OSBPL6: variants seen among roughly 807,000 people sequenced by gnomAD.
OSBPL6 encodes the protein oxysterol-binding protein-related protein 6.
Under a neutral mutation model 125.8 loss-of-function variants are expected in OSBPL6, and 49 were observed. The ratio of observed to expected loss-of-function variants is 0.39; its 90% CI spans 0.31 to 0.49. The LOEUF (loss-of-function observed/expected upper bound fraction) is 0.49. Ranked by LOEUF, OSBPL6 falls within the 20% of genes least tolerant of loss-of-function variation. OSBPL6 has a pLI of 0.88. For synonymous variants in OSBPL6, 394 were observed against 391.8 expected (o/e 1.01, Z -0.07); for missense variants, 986 against 1,135.4 (o/e 0.87, Z 1.89).
At chr2:178,279,680 A>T (rs562795208) in intron 1 of OSBPL6, among the ~76,000 whole-genome samples, 1 of 152,204 alleles carries the variant, frequency 6.6e-6, no homozygotes, top group Non-Finnish European at 1.5e-5. Flanking sequence ...ACACACACGC[A>T]TGCACGCCAA....
chr2:178,245,861 C>T (rs1200449115), intron 1 of OSBPL6, among the ~76,000 whole-genome samples: 1 of 152,172 alleles, frequency 6.6e-6, no homozygotes, highest in East Asian at 1.9e-4. Flanking sequence ...AGACTCTAAG[C>T]CCCCAGCCCT....
chr2:178,370,269 C>T (rs61587243), intron 13 of OSBPL6, among the ~76,000 whole-genome samples: 27,358 of 151,934 alleles, frequency 0.18, 2,606 homozygotes, highest in South Asian at 0.24. Flanking sequence ...TGTCTCAAAA[C>T]GAACAACAAC....
intron 3 of OSBPL6, among the ~76,000 whole-genome samples, chr2:178,312,192 G>T (rs1260001637): frequency 1.5e-4 from 19 of 123,558 alleles, no homozygotes; most frequent in Admixed American, 4.7e-4. Context: ...ATGGAGTTTC[G>T]CTCTTTTTGC....
At chr2:178,332,551 G>A in intron 6 of OSBPL6, 90 bp from the exon 7 acceptor site, 3 of 925,442 alleles carry the variant, frequency 3.2e-6, no homozygotes, top group Non-Finnish European at 5.1e-6. Flanking sequence ...CCATAGATAA[G>A]TTAAAGATTA....
intron 3 of OSBPL6, among the ~76,000 whole-genome samples, chr2:178,317,556 C>T (rs997472392): frequency 9.5e-5 from 14 of 147,038 alleles, no homozygotes; most frequent in Admixed American, 9.0e-4. Context: ...AATGAAAGAA[C>T]ATATATTCTC....
chr2:178,385,656 C>G lies in OSBPL6; in HGVS notation c.2077+135C>G. On this transcript the variant is annotated intron_variant, in intron 19 of 24. Coordinates refer to ENST00000190611, the MANE Select transcript of OSBPL6 (RefSeq NM_032523.4). ...AAATGTTAGTAATTGGTGCAGAGCT[C>G]ATTTTGAGAAATCAAAATTCCTGGT... is the stretch of plus-strand genomic sequence containing the variant. 6.0e-6 allele frequency: 4 copies of G among 667,966 alleles called. 1 individual carries two copies. In the South Asian group the frequency reaches 7.9e-5, roughly 13 times the overall value. The allele number at this position is 667,966 out of a possible 1,614,324, so 41.4% of individuals were successfully genotyped here.
intron 15 of OSBPL6, among the ~76,000 whole-genome samples, chr2:178,381,782 T>C (rs1559317990): frequency 6.6e-6 from 1 of 152,252 alleles, no homozygotes; most frequent in African/African-American, 2.4e-5. Context: ...TTGGTTTTAC[T>C]AACTCTTAGG....
At chr2:178,263,040 A>G (rs1279709612) in intron 1 of OSBPL6, among the ~76,000 whole-genome samples, 1 of 152,198 alleles carries the variant, frequency 6.6e-6, no homozygotes, top group Non-Finnish European at 1.5e-5. Flanking sequence ...ATAGTTTCAA[A>G]TTTATCATGG....
At chr2:178,379,322 GAAGGA>G (rs1429267230) in intron 15 of OSBPL6, among the ~76,000 whole-genome samples, 4 of 88,862 alleles carry the variant, frequency 4.5e-5, no homozygotes, top group African/African-American at 1.2e-4. Flanking sequence ...AGGAAGGAAG[GAAGGA>G]AAGGAAGGGA....
intron 1 of OSBPL6, among the ~76,000 whole-genome samples, chr2:178,222,753 A>G (rs1469796455): frequency 6.6e-6 from 1 of 152,236 alleles, no homozygotes. Context: ...ATATTTGTAC[A>G]GGGCAGAGAG....
chr2:178,323,189 C>T (rs1057320860), intron 3 of OSBPL6, among the ~76,000 whole-genome samples: 1 of 152,144 alleles, frequency 6.6e-6, no homozygotes, highest in Non-Finnish European at 1.5e-5. Context: ...TTTCTTCCAA[C>T]CCCACTTCAT....
chr2:178,329,594 T>C lies in OSBPL6; in HGVS notation c.318+1216T>C, dbSNP rs541237404. Reference sequence around the variant, plus strand: ...CCACCACGCTTGGCTAATTTTTTTTTATTTTTATTTTTAGTAGAGATTGGG... The same window carrying C: ...CCACCACGCTTGGCTAATTTTTTTTCATTTTTATTTTTAGTAGAGATTGGG... On this transcript the variant is annotated intron_variant, in intron 5 of 24. Coordinates refer to ENST00000190611, the MANE Select transcript of OSBPL6 (RefSeq NM_032523.4). Among the ~76,000 whole-genome samples, 17 of 152,044 alleles carry C rather than the reference T, an allele frequency of 1.1e-4. No homozygotes were observed. The East Asian group carries it at 3.3e-3, about 30-fold the overall frequency.
chr2:178,322,301 G>A (rs1485178234), intron 3 of OSBPL6, among the ~76,000 whole-genome samples: 2 of 152,212 alleles, frequency 1.3e-5, no homozygotes, highest in African/African-American at 2.4e-5. Flanking sequence ...CAACCTGAAA[G>A]GATGGGGATC....
intron 1 of OSBPL6, among the ~76,000 whole-genome samples, chr2:178,218,722 C>T (rs971405542): frequency 3.3e-5 from 5 of 151,858 alleles, no homozygotes; most frequent in South Asian, 2.1e-4. Context: ...CTCTGCCTCC[C>T]GGGTTCAGGT....
chr2:178,268,701 C>G (rs934930003), intron 1 of OSBPL6, among the ~76,000 whole-genome samples: 1 of 151,598 alleles, frequency 6.6e-6, no homozygotes, highest in Non-Finnish European at 1.5e-5. Flanking sequence ...TTTTTTTATT[C>G]TGTTTATTAT....
intron 23 of OSBPL6, among the ~76,000 whole-genome samples, chr2:178,394,093 A>C (rs910888060): frequency 1.3e-5 from 2 of 152,192 alleles, no homozygotes; most frequent in Non-Finnish European, 2.9e-5. Context: ...ATAATAATTC[A>C]GTTCATGTAC....
chr2:178,306,584 ACTCTT>A (rs1306020779), intron 3 of OSBPL6, among the ~76,000 whole-genome samples: 2 of 151,848 alleles, frequency 1.3e-5, no homozygotes, highest in Non-Finnish European at 2.9e-5. Flanking sequence ...GAACTTGAAC[ACTCTT>A]CTCTTCGTTC....
intron 3 of OSBPL6, among the ~76,000 whole-genome samples, chr2:178,312,578 C>T (rs1046747086): frequency 1.3e-5 from 2 of 151,878 alleles, no homozygotes; most frequent in East Asian, 3.9e-4. Context: ...ACCTCAGCCT[C>T]CCGAGTAGCT....
intron 1 of OSBPL6, among the ~76,000 whole-genome samples, chr2:178,229,994 C>A (rs2090750645): frequency 6.6e-6 from 1 of 152,228 alleles, no homozygotes; most frequent in East Asian, 1.9e-4. Flanking sequence ...AGCCCTCAGT[C>A]TCTCTGCCTT....
Sources: gnomAD v4.1 joint callset for allele counts (sites outside exome capture counted in the v4.1 genomes callset) on GRCh38, gnomAD v4.1.1 for gene constraint, MANE v1.5 for transcripts, NCBI Gene and HGNC (gene_info 2026-07-23, HGNC 2026-07-21) for gene names.